The following MRPS6 variants were observed in gnomAD, a reference collection of about 807,000 sequenced individuals.
The protein encoded by MRPS6 is mitochondrial ribosomal protein S6, also known as small ribosomal subunit protein bS6m.
Under a neutral mutation model 13.1 loss-of-function variants are expected in MRPS6, and 6 were observed. The observed-to-expected ratio is 0.46, with a 90% CI of 0.25 to 0.91. The LOEUF (loss-of-function observed/expected upper bound fraction) is 0.91, where lower values mean the gene tolerates loss of function less well. Among genes scored for constraint, MRPS6 ranks in the 40% least tolerant of loss-of-function variants. The pLI is 0.18. For synonymous variants in MRPS6, 61 were observed against 56.5 expected (o/e 1.08, Z -0.36); for missense variants, 164 against 155.6 (o/e 1.05, Z -0.29).
In MRPS6 at chr21:34,087,111, T is replaced by C. The variant is rs532170786; in HGVS notation, c.45+13366T>C. Among the ~76,000 whole-genome samples, 32 of 152,290 alleles carry C rather than the reference T, an allele frequency of 2.1e-4. No homozygotes were observed. In the East Asian group the frequency reaches 6.0e-3, roughly 28 times the overall value. On this transcript the variant is annotated intron_variant, in intron 1 of 2. Coordinates refer to ENST00000399312, the MANE Select transcript of MRPS6 (RefSeq NM_032476.4). ...GTGGTAGGTTGAGGGAGATGGTGGC[T>C]CCAGATACAGGTTTTTACTATGTCA...
chr21:34,101,238 T>G, intron 1 of MRPS6: 1 of 1,000,110 alleles, frequency 1.0e-6, no homozygotes, highest in Non-Finnish European at 1.2e-6. Context: ...TCATTTTCAT[T>G]AGATTTAGAG....
chr21:34,108,159 T>C (rs1158800563), intron 1 of MRPS6, among the ~76,000 whole-genome samples: 1 of 152,202 alleles, frequency 6.6e-6, no homozygotes, highest in Non-Finnish European at 1.5e-5. Flanking sequence ...CTGCCAGGGA[T>C]ATAAAAGTGG....
intron 1 of MRPS6, among the ~76,000 whole-genome samples, chr21:34,075,309 C>T (rs1359815588): frequency 6.6e-6 from 1 of 152,194 alleles, no homozygotes; most frequent in Non-Finnish European, 1.5e-5. Context: ...CCCTTTGAAA[C>T]CTTTGAAATG....
chr21:34,098,937 G>T (rs550661103), intron 1 of MRPS6: 16 of 988,558 alleles, frequency 1.6e-5, no homozygotes, highest in Middle Eastern at 5.3e-4. Context: ...TACTAGGCTT[G>T]TATTTAGGGA....
intron 1 of MRPS6, among the ~76,000 whole-genome samples, chr21:34,114,850 C>T (rs16991233): frequency 0.012 from 1,752 of 152,280 alleles, 38 homozygotes; most frequent in South Asian, 0.081. Flanking sequence ...AGTAAGTTCA[C>T]ACAAGGTTGG....
chr21:34,135,026 A>G (rs984451224), intron 2 of MRPS6, among the ~76,000 whole-genome samples: 3 of 152,176 alleles, frequency 2.0e-5, no homozygotes, highest in Non-Finnish European at 4.4e-5. Flanking sequence ...TTAGACTTAC[A>G]TAGAATTGGA....
intron 2 of MRPS6, among the ~76,000 whole-genome samples, chr21:34,139,527 T>A (rs2123277608): frequency 6.6e-6 from 1 of 152,196 alleles, no homozygotes; most frequent in African/African-American, 2.4e-5. Context: ...TTGAGTGAGG[T>A]TTGGTAGTCT....
intron 1 of MRPS6, chr21:34,097,297 T>C (rs766924510): frequency 6.2e-7 from 1 of 1,612,010 alleles, no homozygotes; most frequent in Non-Finnish European, 8.5e-7. Flanking sequence ...ATACTAAATA[T>C]TGGACTTTTT....
intron 1 of MRPS6, among the ~76,000 whole-genome samples, chr21:34,109,463 A>G (rs1979611782): frequency 6.6e-6 from 1 of 152,212 alleles, no homozygotes; most frequent in South Asian, 2.1e-4. Context: ...CCAAGTGGGG[A>G]AAGAACACAG....
chr21:34,086,979 T>A (rs752964272), intron 1 of MRPS6, among the ~76,000 whole-genome samples: 2 of 152,280 alleles, frequency 1.3e-5, no homozygotes, highest in Middle Eastern at 3.4e-3. Flanking sequence ...TCTGCACATA[T>A]CACTGCACAC....
chr21:34,108,006 G>T (rs1979549353), intron 1 of MRPS6, among the ~76,000 whole-genome samples: 1 of 152,154 alleles, frequency 6.6e-6, no homozygotes, highest in Non-Finnish European at 1.5e-5. Flanking sequence ...TCTTATAATG[G>T]TGTTTCAGTG....
In MRPS6 at chr21:34,142,369, T is replaced by A. The variant is rs754869932; in HGVS notation, c.186-39T>A. On this transcript the variant is annotated intron_variant, in intron 2 of 2. Transcript: ENST00000399312. ...GACCAAAATAGTAGAATTATTACAATTCAAATGCAGACACTCACAAGTTTT... is the reference window on the plus strand; with the variant it reads ...GACCAAAATAGTAGAATTATTACAAATCAAATGCAGACACTCACAAGTTTT... The A allele has an allele frequency of 3.3e-6, 5 of 1,537,106 alleles. No homozygotes were observed. The African/African-American group carries it at 6.9e-5, about 21-fold the overall frequency.
intron 1 of MRPS6, among the ~76,000 whole-genome samples, chr21:34,079,518 C>T (rs1403692277): frequency 6.6e-6 from 1 of 151,690 alleles, no homozygotes; most frequent in African/African-American, 2.4e-5. Context: ...TCACTGCAAC[C>T]TCTGCCTCCT....
At chr21:34,109,549 GC>G (rs373456714) in intron 1 of MRPS6, among the ~76,000 whole-genome samples, 78 of 152,220 alleles carry the variant, frequency 5.1e-4, no homozygotes, top group African/African-American at 1.6e-3. Flanking sequence ...CTGTGCCTGT[GC>G]CCTCCAATGC....
rs908823670 is a variant in MRPS6 at position 34,103,389 on chromosome 21, G to A, written c.46-21952G>A. 1.1e-5 allele frequency: 11 copies of A among 996,240 alleles called. No homozygotes were observed. The African/African-American group carries it at 1.2e-4, about 11-fold the overall frequency. The allele number at this position is 996,240 out of a possible 1,614,324, so 61.7% of individuals were successfully genotyped here. A position where few individuals can be genotyped will look rare whatever the true frequency, so the allele number is the denominator to read the frequency against. ...CTTTATTTAGGTTCAGTGAAACCAG[G>A]TAGTTCTGTATTTGTGTTGTAGCCT... is the stretch of plus-strand genomic sequence containing the variant. On this transcript the variant is annotated intron_variant, in intron 1 of 2. Coordinates refer to ENST00000399312, the MANE Select transcript of MRPS6 (RefSeq NM_032476.4).
At chr21:34,118,942 A>G (rs1980025868) in intron 1 of MRPS6, among the ~76,000 whole-genome samples, 1 of 152,192 alleles carries the variant, frequency 6.6e-6, no homozygotes, top group African/African-American at 2.4e-5. Flanking sequence ...TTTTCTAGTC[A>G]CTTCAAGTTA....
chr21:34,104,565 G>A (rs985821398), intron 1 of MRPS6: 9 of 999,020 alleles, frequency 9.0e-6, no homozygotes, highest in African/African-American at 1.7e-5. Context: ...ACTATATCTG[G>A]TGTAGACTAA....
At chr21:34,119,276 A>G (rs907319094) in intron 1 of MRPS6, among the ~76,000 whole-genome samples, 1 of 152,214 alleles carries the variant, frequency 6.6e-6, no homozygotes, top group Admixed American at 6.5e-5. Flanking sequence ...TGGTTCTCCC[A>G]AGGTCTGCTA....
In MRPS6 at chr21:34,073,718, G is replaced by C; in HGVS notation, c.18G>C (p.Leu6=). Reference sequence around the variant, plus strand: ...CTCCAGGCATGCCCCGCTACGAGCTGGCTTTAATCCTGAAAGCCATGCAGC... The same window carrying C: ...CTCCAGGCATGCCCCGCTACGAGCTCGCTTTAATCCTGAAAGCCATGCAGC... MPRYE[L]ALILKAMQRP... is the part of the protein sequence containing the mutation. The change falls in exon 1 of 3, where the codon CTG becomes CTC. Residue 6 remains leucine (L), a synonymous_variant. Transcript: ENST00000399312. 6.5e-7 allele frequency: 1 copy of C among 1,529,774 alleles called. No homozygotes were observed. The highest frequency in any genetic ancestry group is 8.8e-7 in the Non-Finnish European group (1 of 1,132,468). 94.8% of individuals were successfully genotyped at this position (1,529,774 alleles called of 1,614,324 possible). A position where few individuals can be genotyped will look rare whatever the true frequency, so the allele number is the denominator to read the frequency against.
Sources: gnomAD v4.1 joint callset for allele counts (sites outside exome capture counted in the v4.1 genomes callset) on GRCh38, gnomAD v4.1.1 for gene constraint, MANE v1.5 for transcripts, NCBI Gene and HGNC (gene_info 2026-07-23, HGNC 2026-07-21) for gene names.